Variants in STAM observed in about 807,000 individuals in gnomAD.
STAM encodes signal transducing adaptor molecule, also known as signal transducing adapter molecule 1.
In STAM, 16 loss-of-function variants were observed where a neutral mutation model predicts 63.4. That is an observed-to-expected ratio of 0.25 (90% CI 0.17 to 0.38). The LOEUF is 0.38. Among genes scored for constraint, STAM ranks in the 10% least tolerant of loss-of-function variants. The pLI is 1.00. For missense variants in STAM, 636 were observed against 657.1 expected (o/e 0.97, Z 0.35); for synonymous variants, 238 against 223.9 (o/e 1.06, Z -0.56).
chr10:17,666,385 G>GTTTT (rs1425682476), intron 2 of STAM, among the ~76,000 whole-genome samples: 1 of 102,296 alleles, frequency 9.8e-6, no homozygotes, highest in African/African-American at 3.8e-5. Context: ...CCTTGGCTTT[G>GTTTT]TATTTTTTTT....
intron 2 of STAM, among the ~76,000 whole-genome samples, chr10:17,665,259 A>G (rs544206277): frequency 6.6e-6 from 1 of 152,302 alleles, no homozygotes; most frequent in African/African-American, 2.4e-5. Context: ...GCATATGCAT[A>G]TATATTTATG....
chr10:17,678,531 G>A, intron 2 of STAM, among the ~76,000 whole-genome samples: 1 of 152,162 alleles, frequency 6.6e-6, no homozygotes, highest in East Asian at 1.9e-4. Flanking sequence ...TGGGATTATA[G>A]GCGTGAGTCA....
In STAM at chr10:17,664,840, G is replaced by A. The variant is rs112940364; in HGVS notation, c.125+4292G>A. On this transcript the variant is annotated intron_variant, in intron 2 of 13. Coordinates refer to ENST00000377524, the MANE Select transcript of STAM (RefSeq NM_003473.4). ...AGCCTGAAATTTTGTAAAGTGCGGCGATCTTTTTAAGAGGACAGATTCAGA... is the reference window on the plus strand; with the variant it reads ...AGCCTGAAATTTTGTAAAGTGCGGCAATCTTTTTAAGAGGACAGATTCAGA... Among the ~76,000 whole-genome samples, 523 of 152,186 alleles carry A rather than the reference G, an allele frequency of 3.4e-3. 5 individuals are homozygous for A. The highest frequency in any genetic ancestry group is 0.012 in the African/African-American group (491 of 41,536).
chr10:17,686,695 A>G (rs1287234507), intron 4 of STAM, among the ~76,000 whole-genome samples: 1 of 152,162 alleles, frequency 6.6e-6, no homozygotes, highest in Non-Finnish European at 1.5e-5. Context: ...GCCCTTTTAA[A>G]AAATTTCCTT....
intron 2 of STAM, among the ~76,000 whole-genome samples, chr10:17,684,450 C>T (rs1835212972): frequency 6.6e-6 from 1 of 151,802 alleles, no homozygotes; most frequent in Admixed American, 6.6e-5. Flanking sequence ...CAGAATTAGC[C>T]TGAAATGCCT....
chr10:17,700,161 A>T (rs782230648), intron 8 of STAM, 30 bp from the exon 9 acceptor site: 3 of 1,529,280 alleles, frequency 2.0e-6, no homozygotes, highest in Non-Finnish European at 2.7e-6. Context: ...ATGTATTATT[A>T]AAAAAAGATA....
chr10:17,659,238 T>C (rs1834064569), intron 1 of STAM, among the ~76,000 whole-genome samples: 1 of 152,084 alleles, frequency 6.6e-6, no homozygotes. Context: ...ATGAAAATAT[T>C]ATTAATTCCT....
chr10:17,646,668 C>T (rs1833532828), intron 1 of STAM, among the ~76,000 whole-genome samples: 1 of 152,174 alleles, frequency 6.6e-6, no homozygotes, highest in African/African-American at 2.4e-5. Flanking sequence ...GACCAATTCT[C>T]TTCTCACAAT....
At position 17,660,483 on chromosome 10, in the gene STAM, G is replaced by T; in HGVS notation, c.60G>T (p.Met20Ile). The T allele has an allele frequency of 6.2e-7, 1 of 1,602,284 alleles. No individual in the cohort carries two copies. Among genetic ancestry groups the T allele is most frequent in the South Asian group, 1.1e-5 (1 of 89,390 alleles). The change falls in exon 2 of 14, where the codon ATG becomes ATT. Residue 20 changes from methionine (M) to isoleucine (I), a missense_variant. By Grantham distance (10) the Met-to-Ile change is conservative (BLOSUM62 1). Around this residue, in one of 3 missense-constraint regions of STAM, gnomAD observed 87 missense variants for 80.3 expected, o/e 1.08. Transcript: ENST00000377524. ...DQDVEKATSEMNTAEDWGLIL... is the reference protein window; with the variant it reads ...DQDVEKATSEINTAEDWGLIL... ...CTACAGAGAAAGCAACCAGCGAGAT[G>T]AATACTGCTGAGGACTGGGGCCTCA...
chr10:17,674,844 T>A (rs782404576), intron 2 of STAM, among the ~76,000 whole-genome samples: 13 of 152,150 alleles, frequency 8.5e-5, no homozygotes, highest in Non-Finnish European at 1.8e-4. Flanking sequence ...AACTTTGAAC[T>A]TAACAAAACA....
chr10:17,714,402 TG>T (rs780012699), intron 13 of STAM, 140 bp from the exon 14 acceptor site: 1 of 778,562 alleles, frequency 1.3e-6, no homozygotes, highest in Non-Finnish European at 2.1e-6. Flanking sequence ...TAACAATGTT[TG>T]GCACATTATA....
intron 4 of STAM, among the ~76,000 whole-genome samples, chr10:17,687,345 C>T (rs983174208): frequency 3.3e-5 from 5 of 151,954 alleles, no homozygotes; most frequent in African/African-American, 7.3e-5. Flanking sequence ...CATGGTGGTG[C>T]GCGCCTGTAA....
chr10:17,714,596 A>T lies in STAM; in HGVS notation c.1439A>T (p.Tyr480Phe). ...GNTYPSQAPVYSPPPAATAAA... is the reference protein window; with the variant it reads ...GNTYPSQAPVFSPPPAATAAA... ...ACATATCCCAGCCAGGCGCCAGTAT[A>T]TAGTCCTCCTCCTGCCGCTACTGCT... is the stretch of plus-strand genomic sequence containing the variant. Residue 480 changes from tyrosine to phenylalanine, a missense_variant, in exon 14 of 14, where the codon TAT (tyrosine) becomes TTT (phenylalanine). This residue lies in a region of STAM where 532 missense variants were observed against 536.9 expected (regional missense o/e 0.99). Transcript: ENST00000377524. 1 of 1,614,196 alleles carries T rather than the reference A, an allele frequency of 6.2e-7. No homozygotes were observed. Among genetic ancestry groups the T allele is most frequent in the Non-Finnish European group, 8.5e-7 (1 of 1,180,034 alleles).
chr10:17,696,335 G>C (rs1334902693), intron 7 of STAM, among the ~76,000 whole-genome samples: 1 of 151,884 alleles, frequency 6.6e-6, no homozygotes, highest in African/African-American at 2.4e-5. Flanking sequence ...ACTGTGAACA[G>C]TGTCATCTTT....
chr10:17,694,896 CAA>C, intron 6 of STAM, 151 bp from the exon 7 acceptor site: 1 of 607,790 alleles, frequency 1.6e-6, no homozygotes, highest in East Asian at 3.1e-5. Context: ...AATAAACTGA[CAA>C]AATGATTTTT....
At chr10:17,710,600 G>A (rs1367541457) in intron 13 of STAM, among the ~76,000 whole-genome samples, 3 of 152,156 alleles carry the variant, frequency 2.0e-5, no homozygotes, top group African/African-American at 7.2e-5. Flanking sequence ...TGTTCCTCCT[G>A]TGTGCTGTCA....
rs782636427 is a variant in STAM, at chr10:17,708,780, A to G, written c.1214A>G (p.Tyr405Cys). 12 of 1,612,726 alleles carry G rather than the reference A, an allele frequency of 7.4e-6. No homozygotes were observed. The highest frequency in any genetic ancestry group is 1.3e-5 in the African/African-American group (1 of 74,890). Reference sequence around the variant, plus strand: ...ATTTCTCTTTAACCATCGCAGGTGTATGCAGGGCCTCCTCCAAGTGGTGCC... The same window carrying G: ...ATTTCTCTTTAACCATCGCAGGTGTGTGCAGGGCCTCCTCCAAGTGGTGCC... ...QSSGVSGSQV[Y>C]AGPPPSGAYL... Residue 405 changes from tyrosine to cysteine, a missense_variant, in exon 13 of 14, where the codon TAT (tyrosine) becomes TGT (cysteine). Around this residue, in one of 3 missense-constraint regions of STAM, gnomAD observed 532 missense variants for 536.9 expected, o/e 0.99. Transcript: ENST00000377524.
At chr10:17,652,664 A>C (rs1833786540) in intron 1 of STAM, among the ~76,000 whole-genome samples, 1 of 152,212 alleles carries the variant, frequency 6.6e-6, no homozygotes, top group Non-Finnish European at 1.5e-5. Flanking sequence ...CACTTAAAAA[A>C]AAAACAACCT....
intron 2 of STAM, among the ~76,000 whole-genome samples, chr10:17,674,504 G>T (rs1277098868): frequency 1.3e-5 from 2 of 152,122 alleles, no homozygotes; most frequent in Non-Finnish European, 2.9e-5. Context: ...GCTATCAGGT[G>T]AAACTCTTAC....
Sources: gnomAD v4.1 joint callset for allele counts (sites outside exome capture counted in the v4.1 genomes callset) on GRCh38, gnomAD v4.1.1 for gene constraint, gnomAD v4.1.1 regional missense constraint, MANE v1.5 for transcripts, NCBI Gene and HGNC (gene_info 2026-07-23, HGNC 2026-07-21) for gene names.